Variants in SLAMF6 observed in about 807,000 individuals in gnomAD.
SLAMF6 encodes the protein NK-T-B-antigen.
A neutral mutation model predicts 38.3 loss-of-function variants in SLAMF6; 21 were observed. The observed-to-expected ratio is 0.55, with a 90% CI of 0.39 to 0.79. The LOEUF (loss-of-function observed/expected upper bound fraction) is 0.79, where lower values mean the gene tolerates loss of function less well. Ranked by LOEUF, SLAMF6 falls within the 30% of genes least tolerant of loss-of-function variation. The pLI is 0.00. For missense variants in SLAMF6, 341 were observed against 385.3 expected (o/e 0.89, Z 0.96); for synonymous variants, 152 against 146.3 (o/e 1.04, Z -0.28).
chr1:160,516,078 A>G (rs1055091291), intron 1 of SLAMF6, among the ~76,000 whole-genome samples: 1 of 152,224 alleles, frequency 6.6e-6, no homozygotes, highest in Non-Finnish European at 1.5e-5. Flanking sequence ...TTGTTTGCAG[A>G]TGACACGATC....
intron 1 of SLAMF6, among the ~76,000 whole-genome samples, chr1:160,502,096 T>A (rs1055303519): frequency 3.3e-5 from 5 of 151,716 alleles, no homozygotes; most frequent in Non-Finnish European, 4.4e-5. Flanking sequence ...CACATGGAGG[T>A]CCTTTTCTCT....
At position 160,485,299 on chromosome 1, in the gene SLAMF6, C is replaced by G. The variant is rs1191463110; in HGVS notation, c.*1408G>C. On this transcript the variant is annotated 3_prime_UTR_variant, in exon 8 of 8. Transcript: ENST00000368057. ...AACTCCTGACCTCAAGTGATCTCCC[C>G]CCTTGGCCTCCCAAAGTACAGGGAT... is the stretch of plus-strand genomic sequence containing the variant. The G allele has an allele frequency of 6.6e-6, 1 of 152,084 alleles. No individual in the cohort carries two copies. Among genetic ancestry groups the G allele is most frequent in the Non-Finnish European group, 1.5e-5 (1 of 68,028 alleles). The allele number at this position is 152,084 out of a possible 1,614,324, so 9.4% of individuals were successfully genotyped here.
At chr1:160,516,787 T>C (rs1275422165) in intron 1 of SLAMF6, among the ~76,000 whole-genome samples, 11 of 152,194 alleles carry the variant, frequency 7.2e-5, no homozygotes, top group Admixed American at 7.2e-4. Flanking sequence ...TAACTGGTGC[T>C]GGGAGAACTG....
intron 2 of SLAMF6, among the ~76,000 whole-genome samples, chr1:160,492,234 C>T (rs1318141156): frequency 1.3e-5 from 2 of 152,134 alleles, no homozygotes; most frequent in African/African-American, 2.4e-5. Context: ...GATGACCCAA[C>T]CAGGAAGAGA....
rs756991729 is a variant in SLAMF6, at chr1:160,490,218, G to A, written c.776C>T (p.Thr259Ile). 6.2e-7 allele frequency: 1 copy of A among 1,613,794 alleles called. No individual in the cohort carries two copies. The highest frequency in any genetic ancestry group is 8.5e-7 in the Non-Finnish European group (1 of 1,179,810). The stretch of plus-strand genomic sequence containing the variant: ...CTCACCGGGGCCCTGTGTTCGCTGA[G>A]TAGACAAAGATAGGGAATCTGAAAA... The part of the protein sequence containing the change: ...RKRRDSLSLS[T>I]QRTQGPAESA... Residue 259 changes from threonine to isoleucine, a missense_variant, in exon 5 of 8, where the codon ACT becomes ATT. Transcript: ENST00000368057.
chr1:160,490,264 T>C, intron 4 of SLAMF6, 28 bp from the exon 5 acceptor site: 1 of 1,612,890 alleles, frequency 6.2e-7, no homozygotes, highest in South Asian at 1.1e-5. Context: ...AAAATTGAAA[T>C]GTGTGACAGC....
In SLAMF6 at chr1:160,487,188, T is replaced by C; in HGVS notation, c.880-13A>G. The C allele has an allele frequency of 6.2e-7, 1 of 1,611,314 alleles. No individual in the cohort carries two copies. Among genetic ancestry groups the C allele is most frequent in the Non-Finnish European group, 8.5e-7 (1 of 1,178,906 alleles). On this transcript the variant is annotated splice_polypyrimidine_tract_variant and intron_variant, in intron 6 of 7. Coordinates refer to ENST00000368057, the MANE Select transcript of SLAMF6 (RefSeq NM_001184714.2). ...AGATTTCTGTTTCCTGTAAAAAGAA[T>C]CATACCAATTTGGCTTACACAGAGA...
rs554759612 is a variant in SLAMF6, at chr1:160,500,786, T to C, written c.50-4393A>G. On this transcript the variant is annotated intron_variant, in intron 1 of 7. Coordinates refer to ENST00000368057, the MANE Select transcript of SLAMF6 (RefSeq NM_001184714.2). ...GAGTGAATGGACATATCTCCATCCC[T>C]TCTCTTGGAGGTTTTCTGTCTAGAA... Among the ~76,000 whole-genome samples the C allele has an allele frequency of 5.3e-5, 8 of 152,228 alleles. 1 individual carries two copies. The highest frequency in any genetic ancestry group is 1.4e-4 in the African/African-American group (6 of 41,550).
At chr1:160,515,947 A>G (rs2102065892) in intron 1 of SLAMF6, among the ~76,000 whole-genome samples, 1 of 152,338 alleles carries the variant, frequency 6.6e-6, no homozygotes, top group South Asian at 2.1e-4. Context: ...CCAGCATAAG[A>G]CAAGGATGCC....
In SLAMF6 at chr1:160,486,654, C is replaced by T. The variant is rs1190261442; in HGVS notation, c.*53G>A. 21 of 1,538,748 alleles carry T rather than the reference C, an allele frequency of 1.4e-5. No homozygotes were observed. Among genetic ancestry groups the T allele is most frequent in the Non-Finnish European group, 1.2e-5 (13 of 1,112,336 alleles). On this transcript the variant is annotated 3_prime_UTR_variant, in exon 8 of 8. Coordinates refer to ENST00000368057, the MANE Select transcript of SLAMF6 (RefSeq NM_001184714.2). ...AAGCTTCCTGTTCTTTGTTCTGTCT[C>T]ATGGGATCAGAAGACGTGTCATTCC... is the stretch of plus-strand genomic sequence containing the variant.
At chr1:160,518,104 A>G (rs1383745429) in intron 1 of SLAMF6, among the ~76,000 whole-genome samples, 3 of 152,010 alleles carry the variant, frequency 2.0e-5, no homozygotes, top group African/African-American at 4.8e-5. Context: ...CTTACTCTTC[A>G]GGTGTTAAAA....
intron 1 of SLAMF6, among the ~76,000 whole-genome samples, chr1:160,503,983 AC>A (rs1398806106): frequency 7.2e-6 from 1 of 138,270 alleles, no homozygotes; most frequent in African/African-American, 2.7e-5. Context: ...ATGCCATTGC[AC>A]TCCAGCCTGG....
In SLAMF6 at chr1:160,486,205, A is replaced by G. The variant is rs1652954358; in HGVS notation, c.*502T>C. ...TATAATGCAAATATTCCAAAATCTGAAAAAAAATTGAAATCTGAAACATTT... is the reference window on the plus strand; with the variant it reads ...TATAATGCAAATATTCCAAAATCTGGAAAAAAATTGAAATCTGAAACATTT... On this transcript the variant is annotated 3_prime_UTR_variant, in exon 8 of 8. Coordinates refer to ENST00000368057, the MANE Select transcript of SLAMF6 (RefSeq NM_001184714.2). 6.6e-6 allele frequency: 1 copy of G among 151,712 alleles called. No homozygotes were observed. The highest frequency in any genetic ancestry group is 1.5e-5 in the Non-Finnish European group (1 of 67,722). 9.4% of individuals were successfully genotyped at this position (151,712 alleles called of 1,614,324 possible).
At chr1:160,490,325 G>A (rs373463376) in intron 4 of SLAMF6, 89 bp from the exon 5 acceptor site, 117 of 1,593,964 alleles carry the variant, frequency 7.3e-5, no homozygotes, top group Non-Finnish European at 9.1e-5. Context: ...GATGTGGTGG[G>A]AGGGGACCCA....
chr1:160,491,510 A>T, intron 2 of SLAMF6, 122 bp from the exon 3 acceptor site: 2 of 1,399,204 alleles, frequency 1.4e-6, no homozygotes, highest in Non-Finnish European at 1.9e-6. Context: ...TGGTCTGTAG[A>T]CTCTGTAAAT....
intron 1 of SLAMF6, among the ~76,000 whole-genome samples, chr1:160,505,237 G>A (rs73014357): frequency 0.06 from 9,123 of 152,200 alleles, 681 homozygotes; most frequent in African/African-American, 0.17. Context: ...AAGGGGAAGA[G>A]TCTGATTTCC....
intron 1 of SLAMF6, among the ~76,000 whole-genome samples, chr1:160,496,922 G>A (rs1653616514): frequency 6.6e-6 from 1 of 152,188 alleles, no homozygotes; most frequent in Admixed American, 6.5e-5. Context: ...CATTGACGCT[G>A]ACTACAGTCT....
rs1209362984 is a variant in SLAMF6, at chr1:160,496,359, C to T, written c.84G>A (p.Leu28=). ...ACTCCCCCAGAATCCCGTTCACCAT[C>T]AATGGGGTTAAGCTGCTTTGTGAAA... ...NVVSQSSLTP[L]MVNGILGESV... Residue 28 remains leucine (L), a synonymous_variant, in exon 2 of 8, where the codon TTG becomes TTA. Transcript: ENST00000368057. 6.2e-7 allele frequency: 1 copy of T among 1,613,940 alleles called. No individual in the cohort carries two copies. The highest frequency in any genetic ancestry group is 8.5e-7 in the Non-Finnish European group (1 of 1,179,874).
chr1:160,496,260 A>G lies in SLAMF6; in HGVS notation c.183T>C (p.Ser61=). 2 of 1,613,964 alleles carry G rather than the reference A, an allele frequency of 1.2e-6. No individual in the cohort carries two copies. The highest frequency in any genetic ancestry group is 1.7e-6 in the Non-Finnish European group (2 of 1,179,900). ...NFITWLFNET[S]LAFIVPHETK... ...TTTCATGGGGTACTATGAAGGCAAG[A>G]GATGTTTCATTGAAAAGCCAAGTGA... is the stretch of plus-strand genomic sequence containing the variant. The change falls in exon 2 of 8, where the codon TCT becomes TCC. Residue 61 remains serine, a synonymous_variant. Transcript: ENST00000368057.
Sources: gnomAD v4.1 joint callset for allele counts (sites outside exome capture counted in the v4.1 genomes callset) on GRCh38, gnomAD v4.1.1 for gene constraint, MANE v1.5 for transcripts, NCBI Gene and HGNC (gene_info 2026-07-23, HGNC 2026-07-21) for gene names.